PRELID2: variants seen among roughly 807,000 people sequenced by gnomAD.
The protein encoded by PRELID2 is PRELI domain-containing protein 2.
Under a neutral mutation model 28.4 loss-of-function variants are expected in PRELID2, and 25 were observed. The ratio of observed to expected loss-of-function variants is 0.88; its 90% CI spans 0.64 to 1.23. PRELID2 has a LOEUF of 1.23. Ranked by LOEUF, PRELID2 falls within the 50% of genes most tolerant of loss-of-function variation. The pLI is 0.00. For synonymous variants in PRELID2, 76 were observed against 71.6 expected, an observed-to-expected ratio of 1.06 and a Z score of -0.31; for missense variants, 201 against 214.4, an observed-to-expected ratio of 0.94 and a Z score of 0.39.
chr5:145,569,066 T>C (rs1157131316), intron 1 of PRELID2, among the ~76,000 whole-genome samples: 1 of 152,340 alleles, frequency 6.6e-6, no homozygotes, highest in East Asian at 1.9e-4. Context: ...ATCAATTACA[T>C]CATCACCTAG....
intron 1 of PRELID2, among the ~76,000 whole-genome samples, chr5:145,640,872 A>C (rs1754096383): frequency 1.3e-5 from 2 of 152,158 alleles, no homozygotes; most frequent in African/African-American, 4.8e-5. Flanking sequence ...TGACAACATG[A>C]TATATGATGA....
chr5:145,815,519 C>T (rs551468701), intron 4 of PRELID2, among the ~76,000 whole-genome samples: 1 of 152,262 alleles, frequency 6.6e-6, no homozygotes, highest in South Asian at 2.1e-4. Flanking sequence ...AGGACATTTT[C>T]ATCACCCCAA....
chr5:145,785,272 A>G (rs1246583822), intron 5 of PRELID2, among the ~76,000 whole-genome samples: 1 of 152,334 alleles, frequency 6.6e-6, no homozygotes, highest in East Asian at 1.9e-4. Flanking sequence ...AGAAAGCCTA[A>G]TCAAGGGCCA....
the PRELID2 span, among the ~76,000 whole-genome samples, chr5:145,434,603 G>A: frequency 1.1e-3 from 169 of 152,194 alleles, no homozygotes; most frequent in African/African-American, 3.9e-3. Context: ...GAGGAGATGG[G>A]CCCAAGGCCA....
intron 1 of PRELID2, among the ~76,000 whole-genome samples, chr5:145,475,437 T>G (rs1271000669): frequency 2.0e-5 from 3 of 152,240 alleles, no homozygotes; most frequent in Admixed American, 6.5e-5. Context: ...TGATCTGAGC[T>G]TCTCTTTCAG....
At chr5:145,785,551 T>C (rs994315454) in intron 5 of PRELID2, among the ~76,000 whole-genome samples, 1 of 152,238 alleles carries the variant, frequency 6.6e-6, no homozygotes, top group African/African-American at 2.4e-5. Flanking sequence ...CCAGAGGCTG[T>C]CTGTGAGCAT....
At chr5:145,597,021 A>C (rs1276657340) in intron 1 of PRELID2, among the ~76,000 whole-genome samples, 1 of 152,224 alleles carries the variant, frequency 6.6e-6, no homozygotes, top group Non-Finnish European at 1.5e-5. Flanking sequence ...GTCAAAAAAT[A>C]CTACATAGCA....
intron 1 of PRELID2, among the ~76,000 whole-genome samples, chr5:145,679,201 C>A (rs1754883490): frequency 6.6e-6 from 1 of 150,584 alleles, no homozygotes; most frequent in Non-Finnish European, 1.5e-5. Context: ...ACCATAATTT[C>A]TATGTTCCCT....
the PRELID2 span, among the ~76,000 whole-genome samples, chr5:145,379,038 G>A: frequency 5.3e-5 from 8 of 151,904 alleles, no homozygotes; most frequent in South Asian, 2.1e-4. Flanking sequence ...TTTGATTCTC[G>A]TATAAGGTTG....
At chr5:145,693,572 C>T (rs1392528367) in intron 1 of PRELID2, among the ~76,000 whole-genome samples, 1 of 152,014 alleles carries the variant, frequency 6.6e-6, no homozygotes, top group African/African-American at 2.4e-5. Context: ...AATTTGAAAC[C>T]AGCCTGGACA....
chr5:145,297,452 T>C, the PRELID2 span, among the ~76,000 whole-genome samples: 1 of 151,890 alleles, frequency 6.6e-6, no homozygotes, highest in African/African-American at 2.4e-5. Context: ...AAATTAGGTA[T>C]TGATGGGACG....
intron 1 of PRELID2, among the ~76,000 whole-genome samples, chr5:145,624,288 T>G (rs1312574750): frequency 6.6e-6 from 1 of 152,190 alleles, no homozygotes; most frequent in African/African-American, 2.4e-5. Flanking sequence ...ATTAAGCTAT[T>G]GGCTATGGTT....
intron 4 of PRELID2, among the ~76,000 whole-genome samples, chr5:145,805,378 C>T (rs548621059): frequency 1.9e-3 from 289 of 152,188 alleles, no homozygotes; most frequent in African/African-American, 6.7e-3. Flanking sequence ...AATGAAGTTC[C>T]AAAAGGGCTG....
downstream of PRELID2, among the ~76,000 whole-genome samples, chr5:145,468,599 T>C (rs1331227427): frequency 1.3e-5 from 2 of 152,212 alleles, no homozygotes; most frequent in African/African-American, 2.4e-5. Context: ...GACTTTTTAA[T>C]GATCGCCATT....
chr5:145,681,240 G>C (rs1754930254), intron 1 of PRELID2, among the ~76,000 whole-genome samples: 1 of 152,148 alleles, frequency 6.6e-6, no homozygotes. Flanking sequence ...CTCCTCTGAG[G>C]ATAAAATTTT....
chr5:145,751,196 G>A (rs1231860252), intron 1 of PRELID2, among the ~76,000 whole-genome samples: 1 of 152,178 alleles, frequency 6.6e-6, no homozygotes, highest in Admixed American at 6.5e-5. Flanking sequence ...AAGAGCTTTA[G>A]TAACTAAGAG....
chr5:145,817,202 A>ATATATATATATATATAT (rs1561643627), intron 4 of PRELID2, among the ~76,000 whole-genome samples: 1 of 51,386 alleles, frequency 1.9e-5, no homozygotes, highest in Non-Finnish European at 4.8e-5. Flanking sequence ...AAAAAAAATA[A>ATATATATATATATATAT]ATAAATAAAT....
intron 5 of PRELID2, among the ~76,000 whole-genome samples, chr5:145,779,657 C>T (rs1581186707): frequency 6.6e-6 from 1 of 152,088 alleles, no homozygotes; most frequent in East Asian, 1.9e-4. Flanking sequence ...GAAAAGAAAA[C>T]AGTTATCATT....
chr5:145,645,588 G>T (rs1467420476), intron 1 of PRELID2, among the ~76,000 whole-genome samples: 2 of 151,914 alleles, frequency 1.3e-5, no homozygotes, highest in Non-Finnish European at 2.9e-5. Context: ...GATGCTAGAT[G>T]GTTATTTTGC....
Sources: gnomAD v4.1 joint callset for allele counts (sites outside exome capture counted in the v4.1 genomes callset) on GRCh38, gnomAD v4.1.1 for gene constraint, MANE v1.5 for transcripts, NCBI Gene and HGNC (gene_info 2026-07-23, HGNC 2026-07-21) for gene names.